Variants in LEPROTL1 observed in about 807,000 individuals in gnomAD.
LEPROTL1 encodes leptin receptor overlapping transcript-like 1.
LEPROTL1 carries 6 observed loss-of-function variants against 15.4 expected under a neutral mutation model. The ratio of observed to expected loss-of-function variants is 0.39; its 90% CI spans 0.21 to 0.77. The LOEUF (loss-of-function observed/expected upper bound fraction) is 0.77. Among genes scored for constraint, LEPROTL1 ranks in the 30% least tolerant of loss-of-function variants. The pLI is 0.41. For missense variants in LEPROTL1, 128 were observed against 158.1 expected (o/e 0.81, Z 1.02); for synonymous variants, 56 against 52.6 (o/e 1.06, Z -0.28).
intron 3 of LEPROTL1, chr8:30,132,287 T>C: frequency 1.3e-6 from 2 of 1,551,772 alleles, no homozygotes; most frequent in Non-Finnish European, 8.7e-7. Flanking sequence ...CAAGCCCTGC[T>C]GTGCTGGAAT....
At chr8:30,112,235 A>G (rs569255683), downstream of LEPROTL1, among the ~76,000 whole-genome samples, 5 of 151,394 alleles carry the variant, frequency 3.3e-5, no homozygotes, top group East Asian at 9.7e-4. Context: ...CTTTGTAACC[A>G]TTTTTCTTTT....
rs141519537 is a variant in LEPROTL1 at position 30,133,436 on chromosome 8, T to G, written c.394+947T>G. On this transcript the variant is annotated intron_variant, in intron 4 of 4. Coordinates refer to the LEPROTL1 transcript ENST00000442880. ...TTTGCATATATATTTTTTGTTTGTT[T>G]TAAAGAAAAGGTTAGATGCACACAT... Among the ~76,000 whole-genome samples, 277 of 152,310 alleles carry G rather than the reference T, an allele frequency of 1.8e-3. 3 individuals carry two copies. The highest frequency in any genetic ancestry group is 6.2e-3 in the African/African-American group (259 of 41,574).
chr8:30,100,895 A>G (rs1802456135), intron 1 of LEPROTL1, among the ~76,000 whole-genome samples: 1 of 151,150 alleles, frequency 6.6e-6, no homozygotes, highest in Non-Finnish European at 1.5e-5. Flanking sequence ...AGCTTTAGAA[A>G]CTATATTTCA....
chr8:30,131,517 A>C (rs1585480413), intron 3 of LEPROTL1, among the ~76,000 whole-genome samples: 1 of 152,252 alleles, frequency 6.6e-6, no homozygotes, highest in South Asian at 2.1e-4. Context: ...TGTAGTCCAC[A>C]TAACAAACCA....
chr8:30,132,631 C>A, intron 4 of LEPROTL1: 1 of 1,551,810 alleles, frequency 6.4e-7, no homozygotes, highest in East Asian at 2.4e-5. Flanking sequence ...CAGACCCCTC[C>A]AGCTCAGAGC....
Position 30,101,957 on chromosome 8 carries a change from G to C in LEPROTL1, c.76G>C (p.Ala26Pro). Residue 26 changes from alanine to proline, a missense_variant, in exon 2 of 4, where the codon GCC (alanine) becomes CCC (proline). By Grantham distance (27) the Ala-to-Pro change is conservative. Transcript: ENST00000321250. Reference sequence around the variant, plus strand: ...ACTGATGTTTTTGATGCTTGGATGTGCCCTTCCAATATACAAGTATGTAAA... The same window carrying C: ...ACTGATGTTTTTGATGCTTGGATGTCCCCTTCCAATATACAAGTATGTAAA... ...IGLMFLMLGCALPIYNKYWPL... is the reference protein window; with the variant it reads ...IGLMFLMLGCPLPIYNKYWPL... 6.2e-7 allele frequency: 1 copy of C among 1,605,090 alleles called. No individual in the cohort carries two copies. Among genetic ancestry groups the C allele is most frequent in the Non-Finnish European group, 8.5e-7 (1 of 1,173,284 alleles).
chr8:30,113,645 C>T (rs767584064), intron 3 of LEPROTL1, among the ~76,000 whole-genome samples: 14 of 152,188 alleles, frequency 9.2e-5, no homozygotes, highest in Non-Finnish European at 1.6e-4. Flanking sequence ...CCGGAGAGAA[C>T]ATGTTTCCTG....
At chr8:30,111,916 G>T (rs1802657903), downstream of LEPROTL1, among the ~76,000 whole-genome samples, 1 of 152,110 alleles carries the variant, frequency 6.6e-6, no homozygotes, top group African/African-American at 2.4e-5. Flanking sequence ...ATGATCTCTG[G>T]ATCCCAGATA....
intron 3 of LEPROTL1, among the ~76,000 whole-genome samples, chr8:30,127,534 C>A (rs547561367): frequency 6.6e-6 from 1 of 151,854 alleles, no homozygotes; most frequent in Non-Finnish European, 1.5e-5. Flanking sequence ...AGGATAGGCA[C>A]GATTCATCAA....
In LEPROTL1 at chr8:30,095,418, G is replaced by A. The variant is rs1251282356; in HGVS notation, c.-95G>A. 7.8e-7 allele frequency: 1 copy of A among 1,290,192 alleles called. No individual in the cohort carries two copies. The highest frequency in any genetic ancestry group is 1.0e-6 in the Non-Finnish European group (1 of 963,522). 79.9% of individuals were successfully genotyped at this position (1,290,192 alleles called of 1,614,324 possible). ...GAAGTGCTGCGTCGCGCACTTCCGG[G>A]TGTTGTCTGGCCGCCGTAGCGCGTC... is the stretch of plus-strand genomic sequence containing the variant. On this transcript the variant is annotated 5_prime_UTR_variant, in exon 1 of 4. In the 5' UTR this introduces an upstream ATG that the reference lacks. Coordinates refer to ENST00000321250, the MANE Select transcript of LEPROTL1 (RefSeq NM_015344.3).
intron 3 of LEPROTL1, among the ~76,000 whole-genome samples, chr8:30,116,692 C>T (rs1053756230): frequency 6.6e-6 from 1 of 152,202 alleles, no homozygotes; most frequent in Non-Finnish European, 1.5e-5. Context: ...CCTTCTGTTC[C>T]TGAGTTGTAT....
intron 2 of LEPROTL1, among the ~76,000 whole-genome samples, chr8:30,102,479 C>T (rs1802484321): frequency 6.6e-6 from 1 of 151,808 alleles, no homozygotes; most frequent in Non-Finnish European, 1.5e-5. Flanking sequence ...GGTGAAACCC[C>T]ATCTCTACTA....
chr8:30,134,595 G>A (rs1421560560), intron 4 of LEPROTL1, among the ~76,000 whole-genome samples: 1 of 152,098 alleles, frequency 6.6e-6, no homozygotes, highest in African/African-American at 2.4e-5. Context: ...AGGCTGGAGT[G>A]CAGTGGCGCG....
chr8:30,101,957 G>T lies in LEPROTL1; in HGVS notation c.76G>T (p.Ala26Ser), dbSNP rs1275511840. The change falls in exon 2 of 4, where the codon GCC becomes TCC. Residue 26 changes from alanine (A) to serine (S), a missense_variant. Transcript: ENST00000321250. ...IGLMFLMLGC[A>S]LPIYNKYWPL... ...ACTGATGTTTTTGATGCTTGGATGTGCCCTTCCAATATACAAGTATGTAAA... is the reference window on the plus strand; with the variant it reads ...ACTGATGTTTTTGATGCTTGGATGTTCCCTTCCAATATACAAGTATGTAAA... 1.2e-6 allele frequency: 2 copies of T among 1,605,090 alleles called. No homozygotes were observed. The highest frequency in any genetic ancestry group is 1.7e-6 in the Non-Finnish European group (2 of 1,173,284).
chr8:30,117,775 A>G (rs948348187), intron 3 of LEPROTL1: 6 of 817,152 alleles, frequency 7.3e-6, no homozygotes, highest in Non-Finnish European at 1.2e-5. Context: ...ATTCATGCGC[A>G]CCATTGTGGC....
At chr8:30,131,919 TA>T in intron 3 of LEPROTL1, 2 of 1,529,496 alleles carry the variant, frequency 1.3e-6, no homozygotes, top group Non-Finnish European at 1.8e-6. Context: ...CCTGGGTGTT[TA>T]AGGTGAAAGC....
At chr8:30,134,095 C>T (rs1268484100) in intron 4 of LEPROTL1, among the ~76,000 whole-genome samples, 2 of 152,198 alleles carry the variant, frequency 1.3e-5, no homozygotes, top group Non-Finnish European at 2.9e-5. Flanking sequence ...GATTTCAAAA[C>T]AATTATGTAA....
chr8:30,096,515 T>G, intron 1 of LEPROTL1: 5 of 365,550 alleles, frequency 1.4e-5, no homozygotes, highest in Non-Finnish European at 1.9e-5. Context: ...TACTGTTTCT[T>G]GTTTATTTTC....
chr8:30,106,628 TAGAG>T lies in LEPROTL1; in HGVS notation c.*767_*770del. 3.1e-6 allele frequency: 3 copies of T among 982,942 alleles called. No individual in the cohort carries two copies. Among genetic ancestry groups the T allele is most frequent in the Non-Finnish European group, 3.6e-6 (3 of 827,274 alleles). The allele number at this position is 982,942 out of a possible 1,614,324, so 60.9% of individuals were successfully genotyped here. On this transcript the variant is annotated 3_prime_UTR_variant, in exon 4 of 4. Coordinates refer to ENST00000321250, the MANE Select transcript of LEPROTL1 (RefSeq NM_015344.3). Reference sequence around the variant, plus strand: ...GGTTTTTATTTATGTTTATTATTGTTAGAGTGAGTTGCAATGTGGGAAGAAATGA... The same window carrying T: ...GGTTTTTATTTATGTTTATTATTGTTTGAGTTGCAATGTGGGAAGAAATGA...
Sources: allele counts gnomAD v4.1 joint callset (sites outside exome capture counted in the v4.1 genomes callset), GRCh38; gene constraint gnomAD v4.1.1; transcripts MANE v1.5; gene names NCBI Gene and HGNC (gene_info 2026-07-23, HGNC 2026-07-21).